The following IFT25 variants were observed in gnomAD, a reference collection of about 807,000 sequenced individuals.
The protein encoded by IFT25 is intraflagellar transport 25.
the IFT25 span, among the ~76,000 whole-genome samples, chr1:53,915,016 G>A: frequency 2.6e-5 from 4 of 152,150 alleles, 1 homozygote; most frequent in East Asian, 3.8e-4. Flanking sequence ...TATGCAAGGC[G>A]CTGTGATAGG....
chr1:53,912,823 A>G, the IFT25 span, among the ~76,000 whole-genome samples: 2 of 152,228 alleles, frequency 1.3e-5, no homozygotes, highest in Non-Finnish European at 2.9e-5. Context: ...GGCTTGCTGC[A>G]ACACAGATTC....
the IFT25 span, among the ~76,000 whole-genome samples, chr1:53,926,970 C>T: frequency 2.0e-5 from 3 of 152,160 alleles, no homozygotes; most frequent in Non-Finnish European, 4.4e-5. Flanking sequence ...TGCAATCCTC[C>T]TCCCTCAGCC....
chr1:53,915,617 T>C, the IFT25 span, among the ~76,000 whole-genome samples: 1 of 152,166 alleles, frequency 6.6e-6, no homozygotes, highest in African/African-American at 2.4e-5. Context: ...TGTGTTTGTC[T>C]TGCGAGGGTA....
chr1:53,936,831 A>G, the IFT25 span, among the ~76,000 whole-genome samples: 1 of 152,004 alleles, frequency 6.6e-6, no homozygotes, highest in Non-Finnish European at 1.5e-5. Flanking sequence ...GACACATTAA[A>G]CACAAACGGC....
chr1:53,917,928 T>C, the IFT25 span, among the ~76,000 whole-genome samples: 2 of 152,218 alleles, frequency 1.3e-5, no homozygotes, highest in African/African-American at 4.8e-5. Flanking sequence ...TTAGGTCTCC[T>C]TGAATTTAGA....
At chr1:53,928,369 T>C in the IFT25 span, 1 of 1,608,536 alleles carries the variant, frequency 6.2e-7, no homozygotes, top group South Asian at 1.1e-5. Flanking sequence ...GTGAAACACA[T>C]ACCTTTTTCA....
chr1:53,933,325 G>A, the IFT25 span, among the ~76,000 whole-genome samples: 1 of 151,702 alleles, frequency 6.6e-6, no homozygotes, highest in Non-Finnish European at 1.5e-5. Context: ...TAGTAGATAC[G>A]GGGTTTCACC....
the IFT25 span, among the ~76,000 whole-genome samples, chr1:53,941,284 C>T: frequency 7.8e-4 from 118 of 152,022 alleles, 1 homozygote; most frequent in Middle Eastern, 0.01. Flanking sequence ...TGAGCCACCG[C>T]GCCCGGCTTG....
the IFT25 span, among the ~76,000 whole-genome samples, chr1:53,925,336 T>G: frequency 6.6e-6 from 1 of 152,172 alleles, no homozygotes; most frequent in Non-Finnish European, 1.5e-5. Context: ...ATAAACTTTT[T>G]CATTTGCTTA....
At chr1:53,923,361 G>A in the IFT25 span, among the ~76,000 whole-genome samples, 1 of 152,158 alleles carries the variant, frequency 6.6e-6, no homozygotes, top group African/African-American at 2.4e-5. Flanking sequence ...CAGGAATAGC[G>A]GAACTCCTGA....
the IFT25 span, among the ~76,000 whole-genome samples, chr1:53,940,458 G>GA: frequency 6.6e-6 from 1 of 151,962 alleles, no homozygotes; most frequent in Non-Finnish European, 1.5e-5. Context: ...AAAGAATAAA[G>GA]AAAAATGGGA....
the IFT25 span, chr1:53,921,904 T>C: frequency 0.15 from 91,107 of 607,920 alleles, 9,792 homozygotes; most frequent in African/African-American, 0.45. Flanking sequence ...CTACATATAA[T>C]AGTTGTGGTA....
At chr1:53,931,965 A>T in the IFT25 span, among the ~76,000 whole-genome samples, 2 of 152,140 alleles carry the variant, frequency 1.3e-5, no homozygotes, top group Non-Finnish European at 2.9e-5. Context: ...CCTTTTTAAC[A>T]TAAGTATATA....
the IFT25 span, chr1:53,930,267 T>A: frequency 1.1e-6 from 1 of 902,860 alleles, no homozygotes; most frequent in Non-Finnish European, 1.6e-6. Context: ...TCCTTTCTGT[T>A]AATTCTGCCT....
chr1:53,933,965 ATTG>A, the IFT25 span, among the ~76,000 whole-genome samples: 1 of 152,120 alleles, frequency 6.6e-6, no homozygotes, highest in Non-Finnish European at 1.5e-5. Context: ...CTTTTGTGCC[ATTG>A]TTGTCATATA....
chr1:53,933,447 A>G, the IFT25 span, among the ~76,000 whole-genome samples: 1 of 152,012 alleles, frequency 6.6e-6, no homozygotes, highest in East Asian at 1.9e-4. Flanking sequence ...CTCTCTTCCT[A>G]ATGAACGGAC....
At chr1:53,944,688 C>T in the IFT25 span, among the ~76,000 whole-genome samples, 1 of 152,132 alleles carries the variant, frequency 6.6e-6, no homozygotes, top group Admixed American at 6.5e-5. Context: ...TAATCCCCCA[C>T]CCCTTTAGAG....
chr1:53,940,937 T>C, the IFT25 span, among the ~76,000 whole-genome samples: 1 of 151,686 alleles, frequency 6.6e-6, no homozygotes, highest in Non-Finnish European at 1.5e-5. Flanking sequence ...CCCAGAACTT[T>C]GGGAGGCCAA....
the IFT25 span, chr1:53,929,827 C>CTCTCAAACTGAGAGT: frequency 1.5e-6 from 1 of 676,670 alleles, no homozygotes. Flanking sequence ...GAGAGGCCAA[C>CTCTCAAACTGAGAGT]TGAGCTCAAG....
Sources: allele counts gnomAD v4.1 joint callset (sites outside exome capture counted in the v4.1 genomes callset), GRCh38; gene constraint gnomAD v4.1.1; transcripts MANE v1.5; gene names NCBI Gene and HGNC (gene_info 2026-07-23, HGNC 2026-07-21).